Variants in RERE observed in about 807,000 individuals in gnomAD.
The protein encoded by RERE is arginine-glutamic acid dipeptide repeats protein.
Under a neutral mutation model 146.1 loss-of-function variants are expected in RERE, and 40 were observed. The ratio of observed to expected loss-of-function variants is 0.27; its 90% confidence interval spans 0.21 to 0.36. RERE has a LOEUF of 0.36. RERE is among the 10% of genes least tolerant of loss of function. RERE has a pLI of 1.00. For missense variants in RERE, 1,933 were observed against 2,138.7 expected, an observed-to-expected ratio of 0.90 and a Z score of 1.90; for synonymous variants, 1,003 against 866.0, an observed-to-expected ratio of 1.16 and a Z score of -2.78.
chr1:8,559,280 C>CAAAAAAAAAAAAAAAA lies in RERE; in HGVS notation c.523-1773_523-1758dup, dbSNP rs548075266. Among the ~76,000 whole-genome samples, 42 of 12,070 alleles carry CAAAAAAAAAAAAAAAA rather than the reference C, an allele frequency of 3.5e-3. 1 individual carries two copies. Among genetic ancestry groups the CAAAAAAAAAAAAAAAA allele is most frequent in the East Asian group, 0.014 (2 of 140 alleles). The allele number at this position is 12,070 out of a possible 152,430, so 7.9% of individuals were successfully genotyped here. ...GGGCAACAAGAGCAAAACTCCAGCT[C>CAAAAAAAAAAAAAAAA]AAAAAAAAAAAAAAAAAAAAAAAAC... On this transcript the variant is annotated intron_variant, in intron 4 of 22. Transcript: ENST00000400908.
intron 12 of RERE, among the ~76,000 whole-genome samples, chr1:8,378,001 AT>A (rs1305460128): frequency 3.9e-5 from 6 of 152,192 alleles, no homozygotes; most frequent in Non-Finnish European, 8.8e-5. Flanking sequence ...CTTCTCTTAT[AT>A]TTTATGGTTT....
At chr1:8,756,751 G>C (rs564096013) in intron 1 of RERE, among the ~76,000 whole-genome samples, 1 of 152,120 alleles carries the variant, frequency 6.6e-6, no homozygotes, top group Non-Finnish European at 1.5e-5. Context: ...ACTGAATCTT[G>C]TTAGTTTCAG....
chr1:8,737,415 A>C (rs1427387919), intron 1 of RERE, among the ~76,000 whole-genome samples: 2 of 152,184 alleles, frequency 1.3e-5, no homozygotes, highest in Non-Finnish European at 2.9e-5. Flanking sequence ...AGTTTATCAC[A>C]CTTGTTTCCT....
intron 9 of RERE, among the ~76,000 whole-genome samples, chr1:8,496,434 G>A (rs1194214243): frequency 6.6e-6 from 1 of 151,420 alleles, no homozygotes; most frequent in Non-Finnish European, 1.5e-5. Flanking sequence ...CTATAATTGT[G>A]CCACTGTACT....
intron 4 of RERE, among the ~76,000 whole-genome samples, chr1:8,579,959 G>A (rs759500190): frequency 3.3e-5 from 5 of 152,194 alleles, no homozygotes; most frequent in Admixed American, 6.5e-5. Flanking sequence ...AACTGAGATC[G>A]CGTCTGGGAT....
chr1:8,623,937 T>C (rs752321617), intron 3 of RERE, among the ~76,000 whole-genome samples: 1 of 152,224 alleles, frequency 6.6e-6, no homozygotes, highest in Non-Finnish European at 1.5e-5. Flanking sequence ...AACTATTCTC[T>C]GACCCGTTTA....
intron 1 of RERE, among the ~76,000 whole-genome samples, chr1:8,792,227 CT>C (rs909068789): frequency 1.3e-5 from 2 of 152,154 alleles, no homozygotes; most frequent in African/African-American, 4.8e-5. Context: ...ATAGCTTTAT[CT>C]ATGCACATAA....
chr1:8,696,519 C>G (rs1296964005), intron 1 of RERE, among the ~76,000 whole-genome samples: 1 of 152,146 alleles, frequency 6.6e-6, no homozygotes, highest in Non-Finnish European at 1.5e-5. Context: ...GAGGCTGAGG[C>G]AAAAGAATCG....
intron 8 of RERE, among the ~76,000 whole-genome samples, chr1:8,500,815 C>T (rs1320883030): frequency 1.3e-5 from 2 of 151,566 alleles, no homozygotes; most frequent in African/African-American, 4.9e-5. Context: ...AGCGCCTCTG[C>T]CCCGCCGCCC....
intron 12 of RERE, among the ~76,000 whole-genome samples, chr1:8,407,874 C>T (rs1643494650): frequency 6.6e-6 from 1 of 152,210 alleles, no homozygotes; most frequent in South Asian, 2.1e-4. Flanking sequence ...CTCTCAAGGC[C>T]TTGCCCTCCA....
chr1:8,707,671 TA>T (rs1639584094), intron 1 of RERE, among the ~76,000 whole-genome samples: 1 of 152,230 alleles, frequency 6.6e-6, no homozygotes, highest in Admixed American at 6.5e-5. Flanking sequence ...TCAGACCAAG[TA>T]ATTTAGCTCA....
At chr1:8,578,796 T>C (rs1646327517) in intron 4 of RERE, among the ~76,000 whole-genome samples, 1 of 152,190 alleles carries the variant, frequency 6.6e-6, no homozygotes. Context: ...AGACATGCTG[T>C]AAAGCACAGC....
At chr1:8,775,963 G>T (rs1244259972) in intron 1 of RERE, among the ~76,000 whole-genome samples, 1 of 152,160 alleles carries the variant, frequency 6.6e-6, no homozygotes, top group African/African-American at 2.4e-5. Flanking sequence ...CTTGGATTCT[G>T]CATCTGTGCT....
At chr1:8,765,214 G>C (rs1232872944) in intron 1 of RERE, among the ~76,000 whole-genome samples, 2 of 152,212 alleles carry the variant, frequency 1.3e-5, no homozygotes, top group Non-Finnish European at 2.9e-5. Context: ...GGTGAACCTT[G>C]AAAACATTAT....
intron 1 of RERE, among the ~76,000 whole-genome samples, chr1:8,809,258 G>GTA (rs1261306186): frequency 6.6e-6 from 1 of 151,340 alleles, no homozygotes; most frequent in African/African-American, 2.4e-5. Context: ...CAGTAAGGTA[G>GTA]TATTTGTGTA....
intron 1 of RERE, among the ~76,000 whole-genome samples, chr1:8,717,287 G>A (rs991339566): frequency 6.6e-6 from 1 of 152,172 alleles, no homozygotes; most frequent in African/African-American, 2.4e-5. Context: ...GTTCTAAATT[G>A]CAAGTTAATC....
At chr1:8,567,699 T>G (rs766123874) in intron 4 of RERE, among the ~76,000 whole-genome samples, 2 of 152,230 alleles carry the variant, frequency 1.3e-5, no homozygotes. Flanking sequence ...CAATTCATTC[T>G]TGTATTTGTT....
intron 10 of RERE, among the ~76,000 whole-genome samples, chr1:8,471,710 C>T (rs767203210): frequency 6.6e-6 from 1 of 152,070 alleles, no homozygotes; most frequent in Non-Finnish European, 1.5e-5. Flanking sequence ...GACAGGAACT[C>T]ACTATGCTGC....
intron 1 of RERE, among the ~76,000 whole-genome samples, chr1:8,663,072 C>A (rs1638492392): frequency 6.6e-6 from 1 of 152,136 alleles, no homozygotes; most frequent in Non-Finnish European, 1.5e-5. Context: ...CAAAACACCC[C>A]TATCCTCAAG....
Sources: gnomAD v4.1 joint callset for allele counts (sites outside exome capture counted in the v4.1 genomes callset) on GRCh38, gnomAD v4.1.1 for gene constraint, MANE v1.5 for transcripts, NCBI Gene and HGNC (gene_info 2026-07-23, HGNC 2026-07-21) for gene names.